RYR3: variants seen among roughly 807,000 people sequenced by gnomAD.
RYR3 encodes brain ryanodine receptor-calcium release channel.
Under a neutral mutation model 584.3 loss-of-function variants are expected in RYR3, and 207 were observed. The observed-to-expected ratio is 0.35, with a 90% CI of 0.32 to 0.40. RYR3 has a LOEUF of 0.40. RYR3 is among the 10% of genes least tolerant of loss of function. The pLI is 1.00. For missense variants in RYR3, 5,616 were observed against 6,089.2 expected, an observed-to-expected ratio of 0.92 and a Z score of 2.59; for synonymous variants, 2,416 against 2,248.5, an observed-to-expected ratio of 1.07 and a Z score of -2.11.
intron 16 of RYR3, among the ~76,000 whole-genome samples, chr15:33,600,096 T>C (rs16973062): frequency 0.12 from 17,725 of 152,238 alleles, 1,918 homozygotes; most frequent in East Asian, 0.57. Flanking sequence ...GTTTCCACAG[T>C]TGATGTCTTT....
At chr15:33,839,994 A>G (rs1293563041) in intron 89 of RYR3, among the ~76,000 whole-genome samples, 3 of 152,212 alleles carry the variant, frequency 2.0e-5, no homozygotes, top group African/African-American at 7.2e-5. Context: ...CAAAGCAGAA[A>G]ACAACATTTT....
At chr15:33,492,618 C>G (rs1410832038) in intron 2 of RYR3, among the ~76,000 whole-genome samples, 2 of 152,170 alleles carry the variant, frequency 1.3e-5, no homozygotes, top group Non-Finnish European at 2.9e-5. Context: ...TTGCCCTGAG[C>G]TTTGTGTTCA....
chr15:33,859,625 T>G lies in RYR3; in HGVS notation c.14193T>G (p.Gly4731=). 1.2e-6 allele frequency: 2 copies of G among 1,614,050 alleles called. No homozygotes were observed. Among genetic ancestry groups the G allele is most frequent in the Admixed American group, 3.3e-5 (2 of 60,026 alleles). The change falls in exon 100 of 104, where the codon GGT becomes GGG. Residue 4731 remains glycine (G), a synonymous_variant. Transcript: ENST00000634891. ...GAGTGAGAGCAGGAGGTGGCATTGG[T>G]GATGAAATTGAAGACCCTGCTGGTG... ...YVGVRAGGGI[G]DEIEDPAGDP...
intron 11 of RYR3, among the ~76,000 whole-genome samples, chr15:33,565,454 T>C (rs187235419): frequency 9.9e-5 from 15 of 152,218 alleles, no homozygotes; most frequent in African/African-American, 3.6e-4. Flanking sequence ...GGTATTCTAT[T>C]TCATCATATC....
intron 48 of RYR3, 130 bp downstream of exon 48, chr15:33,731,824 C>G (rs1248573230): frequency 2.7e-5 from 18 of 678,846 alleles, no homozygotes; most frequent in Non-Finnish European, 4.0e-5. Context: ...AGCCCTCCCC[C>G]AGACATCTCA....
intron 1 of RYR3, among the ~76,000 whole-genome samples, chr15:33,324,504 G>T (rs1413581657): frequency 6.6e-6 from 1 of 152,142 alleles, no homozygotes. Context: ...AATGTTAAAT[G>T]TTTCTTTCTT....
chr15:33,590,329 A>G (rs1178088429), intron 16 of RYR3, among the ~76,000 whole-genome samples: 7 of 152,166 alleles, frequency 4.6e-5, no homozygotes, highest in Non-Finnish European at 7.4e-5. Context: ...AGAGGCCTGA[A>G]GGTAATGTGG....
chr15:33,528,070 G>A (rs1011287790), intron 3 of RYR3, among the ~76,000 whole-genome samples: 2 of 152,158 alleles, frequency 1.3e-5, no homozygotes, highest in African/African-American at 4.8e-5. Context: ...AACGGAATGA[G>A]ACTATTTTTT....
At chr15:33,617,372 A>G (rs1404906317) in intron 19 of RYR3, among the ~76,000 whole-genome samples, 3 of 151,982 alleles carry the variant, frequency 2.0e-5, no homozygotes, top group Non-Finnish European at 4.4e-5. Context: ...AGATCACACC[A>G]CTGCACTCCA....
At chr15:33,764,126 G>A (rs1038628879) in intron 60 of RYR3, among the ~76,000 whole-genome samples, 13 of 152,054 alleles carry the variant, frequency 8.5e-5, no homozygotes, top group Admixed American at 6.6e-4. Flanking sequence ...AGACATGCCC[G>A]TGTACGTTTA....
intron 18 of RYR3, among the ~76,000 whole-genome samples, chr15:33,604,206 T>C (rs529087647): frequency 6.6e-6 from 1 of 152,380 alleles, no homozygotes; most frequent in South Asian, 2.1e-4. Context: ...TAAGTAACCA[T>C]GACACACATT....
intron 50 of RYR3, among the ~76,000 whole-genome samples, chr15:33,739,191 G>A (rs2069814240): frequency 6.6e-6 from 1 of 152,170 alleles, no homozygotes; most frequent in African/African-American, 2.4e-5. Context: ...AGCTTTAAAG[G>A]TAGAAAATGA....
rs2077396526 is a variant in RYR3 at position 33,826,758 on chromosome 15, TG to T, written c.11245+8del. 1 of 1,596,612 alleles carries T rather than the reference TG, an allele frequency of 6.3e-7. No individual in the cohort carries two copies. Among genetic ancestry groups the T allele is most frequent in the Non-Finnish European group, 8.5e-7 (1 of 1,172,014 alleles). On this transcript the variant is annotated splice_region_variant and intron_variant, in intron 84 of 103. Transcript: ENST00000634891. ...TTGTGAGGGACATAACAGTGGTGAG[TG>T]GAACAGATTGATCTGCCAAGGAAAC...
In RYR3 at chr15:33,498,623, C is replaced by T. The variant is rs1229542622; in HGVS notation, c.172-5008C>T. 2.0e-5 allele frequency among the ~76,000 whole-genome samples: 3 copies of T among 152,064 alleles called. No individual in the cohort carries two copies. In the East Asian group the frequency reaches 5.8e-4, roughly 29 times the overall value. ...ATGAATAGTTTGCAAATATTTTCTCCCATCCTGCAGGCCGTCTCTTTACTC... is the reference window on the plus strand; with the variant it reads ...ATGAATAGTTTGCAAATATTTTCTCTCATCCTGCAGGCCGTCTCTTTACTC... On this transcript the variant is annotated intron_variant, in intron 2 of 103. Transcript: ENST00000634891.
chr15:33,825,956 A>G (rs1596835470), intron 82 of RYR3: 1 of 500,650 alleles, frequency 2.0e-6, no homozygotes. Context: ...CTGGTCTTGA[A>G]CTCCTGACCT....
chr15:33,826,209 A>C, intron 82 of RYR3, 43 bp from the exon 83 acceptor site: 2 of 1,596,152 alleles, frequency 1.3e-6, no homozygotes, highest in Non-Finnish European at 1.7e-6. Flanking sequence ...TGATGTTTAC[A>C]GTTTTCTTAC....
At chr15:33,756,429 G>A (rs576289620) in intron 59 of RYR3, 56 bp downstream of exon 59, 4 of 1,272,338 alleles carry the variant, frequency 3.1e-6, no homozygotes, top group African/African-American at 3.0e-5. Flanking sequence ...CTACTATTTA[G>A]GAAACAGGTT....
At chr15:33,666,151 T>C (rs903294624) in intron 36 of RYR3, among the ~76,000 whole-genome samples, 3 of 152,120 alleles carry the variant, frequency 2.0e-5, no homozygotes, top group Non-Finnish European at 4.4e-5. Context: ...ACTACAGGCA[T>C]GCACCACCAT....
Position 33,621,996 on chromosome 15 carries a change from C to T in RYR3, c.2358-1811C>T, listed in dbSNP as rs1204030331. On this transcript the variant is annotated intron_variant, in intron 19 of 103. Transcript: ENST00000634891. Reference sequence around the variant, plus strand: ...TCCCCCTCCACACATACACTCAGTCCATGAGCAATTCCGAACAAGCCTAAT... The same window carrying T: ...TCCCCCTCCACACATACACTCAGTCTATGAGCAATTCCGAACAAGCCTAAT... 3.3e-5 allele frequency among the ~76,000 whole-genome samples: 5 copies of T among 152,248 alleles called. No homozygotes were observed. The Middle Eastern group carries it at 0.014, about 414-fold the overall frequency.
Sources: allele counts gnomAD v4.1 joint callset (sites outside exome capture counted in the v4.1 genomes callset), GRCh38; gene constraint gnomAD v4.1.1; transcripts MANE v1.5; gene names NCBI Gene and HGNC (gene_info 2026-07-23, HGNC 2026-07-21).